The following PLCB1 variants were observed in gnomAD, a reference collection of about 807,000 sequenced individuals.
The protein encoded by PLCB1 is phospholipase C beta 1, also known as 1-phosphatidylinositol 4,5-bisphosphate phosphodiesterase beta-1.
A neutral mutation model predicts 161.8 loss-of-function variants in PLCB1; 46 were observed. The ratio of observed to expected loss-of-function variants is 0.28; its 90% CI spans 0.22 to 0.36. The LOEUF (loss-of-function observed/expected upper bound fraction) is 0.36, where lower values mean the gene tolerates loss of function less well. Among genes scored for constraint, PLCB1 ranks in the 10% least tolerant of loss-of-function variants. The probability of loss-of-function intolerance (pLI) is 1.00; values close to 1 mark genes in which losing one functional copy is unlikely to be tolerated. For missense variants in PLCB1, 1,016 were observed against 1,472.5 expected (o/e 0.69, Z 5.07); for synonymous variants, 517 against 503.7 (o/e 1.03, Z -0.35).
intron 2 of PLCB1, among the ~76,000 whole-genome samples, chr20:8,200,180 C>T (rs1293750467): frequency 1.3e-5 from 2 of 151,982 alleles, no homozygotes; most frequent in African/African-American, 4.8e-5. Context: ...TATGTCATAG[C>T]CATTATATGA....
chr20:8,178,255 G>A (rs1360373581), intron 2 of PLCB1, among the ~76,000 whole-genome samples: 4 of 152,118 alleles, frequency 2.6e-5, no homozygotes, highest in Non-Finnish European at 5.9e-5. Flanking sequence ...TAAATTCTTT[G>A]AGAAATAGCC....
chr20:8,748,826 C>T (rs1981303639), intron 23 of PLCB1, among the ~76,000 whole-genome samples: 2 of 152,204 alleles, frequency 1.3e-5, no homozygotes, highest in South Asian at 4.1e-4. Flanking sequence ...GTTCTTGCCA[C>T]AGGGGGACAA....
chr20:8,724,678 T>C lies in PLCB1; in HGVS notation c.1604T>C (p.Met535Thr), dbSNP rs762045157. 1 of 1,607,938 alleles carries C rather than the reference T, an allele frequency of 6.2e-7. No individual in the cohort carries two copies. Among genetic ancestry groups the C allele is most frequent in the South Asian group, 1.1e-5 (1 of 90,818 alleles). ...CAGGGGACTGCTGGAAGTGAGGCTA[T>C]GGCCACAGAAGAAATGTCTAATCTG... ...MDEGTAGSEA[M>T]ATEEMSNLVN... The change falls in exon 16 of 32, where the codon ATG becomes ACG. Residue 535 changes from methionine to threonine, a missense_variant. Met to Thr is a moderately conservative substitution (Grantham distance 81). Around this residue, in one of 10 missense-constraint regions of PLCB1, gnomAD observed 109 missense variants for 129.7 expected, o/e 0.84. Coordinates refer to ENST00000338037, the MANE Select transcript of PLCB1 (RefSeq NM_015192.4).
chr20:8,676,024 T>G (rs1405603363), intron 9 of PLCB1, among the ~76,000 whole-genome samples: 2 of 152,228 alleles, frequency 1.3e-5, no homozygotes, highest in Non-Finnish European at 2.9e-5. Context: ...ATGTATTTAT[T>G]CTTTGGAGTC....
At chr20:8,482,604 G>C (rs530196813) in intron 3 of PLCB1, among the ~76,000 whole-genome samples, 1 of 152,120 alleles carries the variant, frequency 6.6e-6, no homozygotes. Flanking sequence ...TAATTTTCCA[G>C]TGAATGCCAA....
chr20:8,249,149 T>C (rs1600261180), intron 2 of PLCB1, among the ~76,000 whole-genome samples: 1 of 151,940 alleles, frequency 6.6e-6, no homozygotes, highest in African/African-American at 2.4e-5. Flanking sequence ...CAACTGTAGT[T>C]TTTAACTAAG....
intron 3 of PLCB1, among the ~76,000 whole-genome samples, chr20:8,590,394 T>G (rs2123106394): frequency 6.6e-6 from 1 of 152,332 alleles, no homozygotes; most frequent in East Asian, 1.9e-4. Flanking sequence ...ATTTATACAA[T>G]AAATTTAGTT....
chr20:8,552,370 A>G (rs570180722), intron 3 of PLCB1, among the ~76,000 whole-genome samples: 2 of 152,272 alleles, frequency 1.3e-5, no homozygotes, highest in South Asian at 2.1e-4. Flanking sequence ...TCTGCATGAA[A>G]TCCTTCAGCT....
Position 8,611,410 on chromosome 20 carries a change from G to A in PLCB1, c.247-16884G>A, listed in dbSNP as rs923539736. On this transcript the variant is annotated intron_variant, in intron 3 of 31. Transcript: ENST00000338037. ...ACGACATCAGTAATTGTTAATAAAG[G>A]GATCACCAAAAAAGGCTTCACTATA... Among the ~76,000 whole-genome samples the A allele has an allele frequency of 9.9e-5, 15 of 151,918 alleles. 1 individual carries two copies. Among genetic ancestry groups the A allele is most frequent in the Admixed American group, 3.3e-4 (5 of 15,248 alleles).
intron 2 of PLCB1, among the ~76,000 whole-genome samples, chr20:8,349,348 A>T (rs1005935850): frequency 6.6e-6 from 1 of 152,216 alleles, no homozygotes; most frequent in Non-Finnish European, 1.5e-5. Context: ...TACAGTCACA[A>T]TTCAATATAA....
At chr20:8,404,824 A>G (rs1249682200) in intron 3 of PLCB1, among the ~76,000 whole-genome samples, 4 of 152,206 alleles carry the variant, frequency 2.6e-5, no homozygotes, top group Admixed American at 2.6e-4. Context: ...CTTTAACACC[A>G]TGGCATAATT....
At chr20:8,147,736 CG>C (rs1449874629) in intron 1 of PLCB1, among the ~76,000 whole-genome samples, 2 of 151,720 alleles carry the variant, frequency 1.3e-5, no homozygotes, top group South Asian at 2.1e-4. Flanking sequence ...GAACTGTGGC[CG>C]GAAGAGTGGG....
intron 3 of PLCB1, among the ~76,000 whole-genome samples, chr20:8,577,473 A>G (rs1187920685): frequency 2.0e-5 from 3 of 151,770 alleles, no homozygotes; most frequent in African/African-American, 7.3e-5. Flanking sequence ...TGAAAATAAC[A>G]ATGTTGAATC....
At chr20:8,692,783 G>T (rs1410769618) in intron 10 of PLCB1, among the ~76,000 whole-genome samples, 1 of 152,148 alleles carries the variant, frequency 6.6e-6, no homozygotes, top group Admixed American at 6.5e-5. Flanking sequence ...CATGGCGAAA[G>T]TTCTTGTGAC....
intron 16 of PLCB1, among the ~76,000 whole-genome samples, chr20:8,725,217 C>T (rs1440444852): frequency 6.6e-6 from 1 of 152,136 alleles, no homozygotes; most frequent in African/African-American, 2.4e-5. Flanking sequence ...TCCATTTGTC[C>T]ATCACATGTA....
chr20:8,516,367 G>A (rs980413987), intron 3 of PLCB1, among the ~76,000 whole-genome samples: 1 of 152,078 alleles, frequency 6.6e-6, no homozygotes, highest in Admixed American at 6.5e-5. Context: ...AGCTCAACTT[G>A]TGTTAATTTT....
At chr20:8,673,002 C>T (rs1322194515) in intron 9 of PLCB1, among the ~76,000 whole-genome samples, 3 of 151,988 alleles carry the variant, frequency 2.0e-5, no homozygotes, top group Non-Finnish European at 4.4e-5. Flanking sequence ...ATCCCAGCTA[C>T]TCAGGAGGCT....
chr20:8,262,762 C>T (rs2123245509), intron 2 of PLCB1, among the ~76,000 whole-genome samples: 1 of 152,298 alleles, frequency 6.6e-6, no homozygotes, highest in South Asian at 2.1e-4. Context: ...AAAGTGCCAA[C>T]AGATTTGGTT....
At chr20:8,582,988 C>CA (rs57511588) in intron 3 of PLCB1, among the ~76,000 whole-genome samples, 25,694 of 125,048 alleles carry the variant, frequency 0.21, 2,706 homozygotes, top group South Asian at 0.4. Flanking sequence ...GACTCCATCT[C>CA]AAAAAAAAAA....
Sources: gnomAD v4.1 joint callset for allele counts (sites outside exome capture counted in the v4.1 genomes callset) on GRCh38, gnomAD v4.1.1 for gene constraint, gnomAD v4.1.1 regional missense constraint, MANE v1.5 for transcripts, NCBI Gene and HGNC (gene_info 2026-07-23, HGNC 2026-07-21) for gene names.